MAP2K6: variants seen among roughly 807,000 people sequenced by gnomAD.
MAP2K6 encodes the protein dual specificity mitogen-activated protein kinase kinase 6.
In MAP2K6, 16 loss-of-function variants were observed where a neutral mutation model predicts 53.7. The ratio of observed to expected loss-of-function variants is 0.30; its 90% CI spans 0.20 to 0.45. The LOEUF is 0.45. Ranked by LOEUF, MAP2K6 falls within the 20% of genes least tolerant of loss-of-function variation. MAP2K6 has a pLI of 1.00. For missense variants in MAP2K6, 204 were observed against 411.9 expected, an observed-to-expected ratio of 0.50 and a Z score of 4.37; for synonymous variants, 132 against 143.1, an observed-to-expected ratio of 0.92 and a Z score of 0.55.
chr17:69,530,695 ATT>A (rs1459956306), intron 10 of MAP2K6, among the ~76,000 whole-genome samples: 1 of 152,184 alleles, frequency 6.6e-6, no homozygotes, highest in African/African-American at 2.4e-5. Context: ...TATGAACATT[ATT>A]TTTCAACTGG....
intron 1 of MAP2K6, among the ~76,000 whole-genome samples, chr17:69,463,503 CAT>C (rs143963631): frequency 0.011 from 1,640 of 149,620 alleles, 28 homozygotes; most frequent in African/African-American, 0.036. Flanking sequence ...CACACACACA[CAT>C]ATGTATATAT....
At chr17:69,473,119 G>A (rs930461202) in intron 1 of MAP2K6, among the ~76,000 whole-genome samples, 3 of 152,248 alleles carry the variant, frequency 2.0e-5, no homozygotes, top group Middle Eastern at 3.4e-3. Context: ...GAAATATGCC[G>A]TAGGAAACTT....
chr17:69,461,642 T>A (rs1907625449), intron 1 of MAP2K6, among the ~76,000 whole-genome samples: 1 of 152,142 alleles, frequency 6.6e-6, no homozygotes, highest in Non-Finnish European at 1.5e-5. Context: ...CCACTTTTTC[T>A]GGGGATATCT....
At chr17:69,467,210 A>G (rs1398707938) in intron 1 of MAP2K6, among the ~76,000 whole-genome samples, 1 of 152,242 alleles carries the variant, frequency 6.6e-6, no homozygotes, top group African/African-American at 2.4e-5. Context: ...GGCAAAGAAT[A>G]TGGAATTAAG....
chr17:69,466,460 C>T (rs959628131), intron 1 of MAP2K6, among the ~76,000 whole-genome samples: 5 of 152,116 alleles, frequency 3.3e-5, no homozygotes, highest in South Asian at 2.1e-4. Context: ...CTATGATCTC[C>T]GTTTTCCCAG....
At chr17:69,526,881 C>A (rs1910803468) in intron 10 of MAP2K6, among the ~76,000 whole-genome samples, 172 bp downstream of exon 10, 1 of 152,172 alleles carries the variant, frequency 6.6e-6, no homozygotes, top group African/African-American at 2.4e-5. Context: ...CCTGCCCTCA[C>A]TGAGCCCAAA....
chr17:69,489,536 G>T (rs927703792), intron 1 of MAP2K6, among the ~76,000 whole-genome samples: 1 of 152,236 alleles, frequency 6.6e-6, no homozygotes, highest in Non-Finnish European at 1.5e-5. Flanking sequence ...TGAAGCAATA[G>T]TTGTTAATTA....
intron 2 of MAP2K6, among the ~76,000 whole-genome samples, chr17:69,514,175 A>T (rs555585992): frequency 6.6e-6 from 1 of 152,148 alleles, no homozygotes; most frequent in African/African-American, 2.4e-5. Context: ...TATTAGTCAC[A>T]TGTTTCAAGT....
chr17:69,421,735 G>C (rs1445862382), intron 1 of MAP2K6, among the ~76,000 whole-genome samples: 1 of 151,490 alleles, frequency 6.6e-6, no homozygotes, highest in Non-Finnish European at 1.5e-5. Flanking sequence ...AGTAGAGATG[G>C]GATTTCACCG....
chr17:69,430,343 A>G (rs964137372), intron 1 of MAP2K6, among the ~76,000 whole-genome samples: 2 of 152,124 alleles, frequency 1.3e-5, no homozygotes, highest in East Asian at 1.9e-4. Context: ...CAAAAAGAGA[A>G]AAAAAAAGAA....
intron 1 of MAP2K6, chr17:69,433,473 G>A (rs1455721964): frequency 6.6e-6 from 1 of 152,218 alleles, no homozygotes; most frequent in Admixed American, 6.5e-5. Context: ...TGGAAATCAG[G>A]ACCTCTGTTT....
intron 1 of MAP2K6, among the ~76,000 whole-genome samples, chr17:69,495,393 G>T (rs1002242560): frequency 6.6e-5 from 10 of 151,734 alleles, no homozygotes. Context: ...CCACCAACAC[G>T]CCCAGCTAAT....
At chr17:69,417,995 G>A (rs1905958302) in intron 1 of MAP2K6, among the ~76,000 whole-genome samples, 1 of 152,224 alleles carries the variant, frequency 6.6e-6, no homozygotes. Flanking sequence ...ATATAGCAGA[G>A]TGGTAGGAAA....
At chr17:69,476,086 A>G (rs1740357578) in intron 1 of MAP2K6, among the ~76,000 whole-genome samples, 1 of 152,182 alleles carries the variant, frequency 6.6e-6, no homozygotes, top group Non-Finnish European at 1.5e-5. Flanking sequence ...AATTGAATTT[A>G]TGATTTCTAA....
chr17:69,468,931 A>G (rs78198805), intron 1 of MAP2K6, among the ~76,000 whole-genome samples: 2,988 of 152,328 alleles, frequency 0.02, 94 homozygotes, highest in African/African-American at 0.066. Flanking sequence ...GTTTCAAAGA[A>G]CTGAACACTA....
At chr17:69,417,349 C>A (rs1905937797) in intron 1 of MAP2K6, among the ~76,000 whole-genome samples, 1 of 152,088 alleles carries the variant, frequency 6.6e-6, no homozygotes, top group South Asian at 2.1e-4. Context: ...ACAATATGTT[C>A]AATTCAAGGA....
At chr17:69,522,679 C>T (rs1910539654) in intron 7 of MAP2K6, among the ~76,000 whole-genome samples, 2 of 152,064 alleles carry the variant, frequency 1.3e-5, no homozygotes, top group Admixed American at 6.6e-5. Flanking sequence ...CAGTAACCTG[C>T]CCTGTGGTCT....
intron 1 of MAP2K6, among the ~76,000 whole-genome samples, chr17:69,419,541 A>G (rs1906009868): frequency 6.6e-6 from 1 of 152,222 alleles, no homozygotes; most frequent in Non-Finnish European, 1.5e-5. Flanking sequence ...CTCTAATATT[A>G]TTAGTGATAA....
At chr17:69,520,226 CT>C in intron 5 of MAP2K6, 43 bp from the exon 6 acceptor site, 4 of 974,656 alleles carry the variant, frequency 4.1e-6, no homozygotes, top group Admixed American at 2.4e-5. Flanking sequence ...TTATTTCTCC[CT>C]TTTTCATCCT....
Sources: gnomAD v4.1 joint callset for allele counts (sites outside exome capture counted in the v4.1 genomes callset) on GRCh38, gnomAD v4.1.1 for gene constraint, MANE v1.5 for transcripts, NCBI Gene and HGNC (gene_info 2026-07-23, HGNC 2026-07-21) for gene names.